OGG1: variants seen among roughly 807,000 people sequenced by gnomAD.
OGG1 encodes N-glycosylase/DNA lyase.
A neutral mutation model predicts 42.3 loss-of-function variants in OGG1; 35 were observed. The ratio of observed to expected loss-of-function variants is 0.83; its 90% CI spans 0.63 to 1.10. The LOEUF is 1.10. Ranked by LOEUF, OGG1 falls within the 50% of genes least tolerant of loss-of-function variation. The pLI is 0.00. For synonymous variants in OGG1, 189 were observed against 179.0 expected (o/e 1.06, Z -0.44); for missense variants, 484 against 446.7 (o/e 1.08, Z -0.75).
exon 8 of OGG1, chr3:9,766,489 GAAAA>G (rs1006026297): frequency 9.0e-6 from 3 of 334,176 alleles, no homozygotes; most frequent in Admixed American, 4.7e-5. Flanking sequence ...TCAAAAAAAA[GAAAA>G]AAAAAAGAAA....
chr3:9,777,371 C>T (rs1299693595), intron 2 of OGG1, among the ~76,000 whole-genome samples: 3 of 152,198 alleles, frequency 2.0e-5, no homozygotes, highest in Non-Finnish European at 2.9e-5. Context: ...CATCTTTTGG[C>T]TCCAGCAGAC....
At chr3:9,780,139 C>T (rs1023906575) in intron 2 of OGG1, 2 of 457,044 alleles carry the variant, frequency 4.4e-6, no homozygotes, top group Non-Finnish European at 7.7e-6. Flanking sequence ...TCTCGGGGAC[C>T]AAGCAGAGAC....
chr3:9,785,405 C>G, intron 3 of OGG1: 1 of 1,613,588 alleles, frequency 6.2e-7, no homozygotes, highest in Non-Finnish European at 8.5e-7. Context: ...GAGAATCCTC[C>G]ATAGGGGAAA....
At chr3:9,790,983 C>G (rs536390380), downstream of OGG1, among the ~76,000 whole-genome samples, 9 of 152,290 alleles carry the variant, frequency 5.9e-5, no homozygotes, top group East Asian at 1.7e-3. Flanking sequence ...CATAACTGTC[C>G]TAATTACCTT....
At chr3:9,753,121 GCAGGTGGA>G (rs1452572762) in intron 3 of OGG1, among the ~76,000 whole-genome samples, 1 of 152,142 alleles carries the variant, frequency 6.6e-6, no homozygotes, top group Non-Finnish European at 1.5e-5. Flanking sequence ...GGAGGCTGAG[GCAGGTGGA>G]TCACCTGAGG....
intron 3 of OGG1, among the ~76,000 whole-genome samples, chr3:9,786,577 T>C (rs1366833717): frequency 6.6e-6 from 1 of 152,156 alleles, no homozygotes; most frequent in Non-Finnish European, 1.5e-5. Context: ...TGAGCCTCAA[T>C]CTTCTTATCT....
In OGG1 at chr3:9,750,836, C is replaced by T. The variant is rs960832577; in HGVS notation, c.138-109C>T. ...ATGTTGCTCAGACTGGAAGATAGCA[C>T]TGTTACTTGTATTAGTTTCGTACAT... On this transcript the variant is annotated intron_variant, in intron 1 of 6. Transcript: ENST00000344629. 8 of 1,312,004 alleles carry T rather than the reference C, an allele frequency of 6.1e-6. No individual in the cohort carries two copies. In the African/African-American group the frequency reaches 1.0e-4, roughly 17 times the overall value. The allele number at this position is 1,312,004 out of a possible 1,614,324, so 81.3% of individuals were successfully genotyped here.
chr3:9,751,155 G>A lies in OGG1; in HGVS notation c.348G>A (p.Val116=). 1.2e-6 allele frequency: 2 copies of A among 1,614,178 alleles called. No individual in the cohort carries two copies. The highest frequency in any genetic ancestry group is 2.2e-5 in the East Asian group (1 of 44,882). The change falls in exon 2 of 7, where the codon GTG becomes GTA. Residue 116 remains valine (V), a synonymous_variant. Coordinates refer to ENST00000344629, the MANE Select transcript of OGG1 (RefSeq NM_002542.6). ...LAQLYHHWGS[V]DSHFQEVAQK... ...AACTGTATCACCACTGGGGTTCCGT[G>A]GACTCCCACTTCCAAGAGGTGGCTC...
chr3:9,761,676 G>A (rs1256503204), downstream of OGG1: 3 of 1,614,016 alleles, frequency 1.9e-6, no homozygotes, highest in African/African-American at 2.7e-5. Flanking sequence ...ACACTGCCCG[G>A]GTCCTCCATC....
At chr3:9,757,942 G>C, downstream of OGG1, 1 of 1,507,188 alleles carries the variant, frequency 6.6e-7, no homozygotes, top group Non-Finnish European at 8.9e-7. This position sits in a 1 kb window ranked among gnomAD's most constrained non-coding sequence, Gnocchi z 4.5. Flanking sequence ...CAATTGTTCT[G>C]TTATTTTCAT....
At chr3:9,760,915 G>C (rs7617500), downstream of OGG1, 559,289 of 1,184,188 alleles carry the variant, frequency 0.47, 138,813 homozygotes, top group Non-Finnish European at 0.51. Context: ...GCTCACTCCT[G>C]TTCTAGCTAC....
At chr3:9,769,140 G>A (rs2078237036), downstream of OGG1, among the ~76,000 whole-genome samples, 2 of 151,786 alleles carry the variant, frequency 1.3e-5, no homozygotes, top group South Asian at 4.2e-4. Flanking sequence ...GCCCCAGACA[G>A]CCCTGCACCC....
chr3:9,774,440 CT>C (rs2078340146), intron 2 of OGG1, among the ~76,000 whole-genome samples: 1 of 147,044 alleles, frequency 6.8e-6, no homozygotes, highest in Non-Finnish European at 1.5e-5. Context: ...AAAACTTTAA[CT>C]TTTGTTACTT....
intron 5 of OGG1, 69 bp downstream of exon 5, chr3:9,756,690 C>T (rs2077578978): frequency 1.9e-6 from 3 of 1,613,114 alleles, no homozygotes; most frequent in African/African-American, 1.3e-5. Flanking sequence ...CTCTTAGTCA[C>T]CTCTCCCTCA....
At chr3:9,789,986 CT>C (rs2078697221), downstream of OGG1, 2 of 1,566,554 alleles carry the variant, frequency 1.3e-6, no homozygotes, top group Non-Finnish European at 1.7e-6. Flanking sequence ...GAAAGTGTCA[CT>C]GAGGGGGAGA....
chr3:9,788,544 T>C (rs1170903591), downstream of OGG1, among the ~76,000 whole-genome samples: 1 of 135,952 alleles, frequency 7.4e-6, no homozygotes, highest in East Asian at 2.1e-4. Context: ...CGCACCCGGC[T>C]TTTTTTTTTT....
Position 9,787,259 on chromosome 3 carries a change from C to T in OGG1, c.383-469C>T, listed in dbSNP as rs1183507298. On this transcript the variant is annotated intron_variant, in intron 3 of 3. Coordinates refer to the OGG1 transcript ENST00000426518. ...CCTTTCTTCTTGTCAGCCACAGCCG[C>T]TGCCCGGGCCCCATCCTTCTGCTCC... The T allele has an allele frequency of 1.9e-6, 3 of 1,614,238 alleles. No individual in the cohort carries two copies. The East Asian group carries it at 6.7e-5, about 36-fold the overall frequency.
chr3:9,762,928 G>A, intron 7 of OGG1: 1 of 1,614,090 alleles, frequency 6.2e-7, no homozygotes, highest in Non-Finnish European at 8.5e-7. Context: ...AGATCCCGGT[G>A]TACAATGCCC....
At chr3:9,759,462 G>C, downstream of OGG1, 2 of 1,614,078 alleles carry the variant, frequency 1.2e-6, no homozygotes, top group South Asian at 2.2e-5. Flanking sequence ...GGGAGGCTGG[G>C]ACCAGAACTA....
Sources: gnomAD v4.1 joint callset for allele counts (sites outside exome capture counted in the v4.1 genomes callset) on GRCh38, gnomAD v4.1.1 for gene constraint, Gnocchi (gnomAD v3.1) non-coding constraint, MANE v1.5 for transcripts, NCBI Gene and HGNC (gene_info 2026-07-23, HGNC 2026-07-21) for gene names.